The following TTLL6 variants were observed in gnomAD, a reference collection of about 807,000 sequenced individuals.
TTLL6 encodes the protein tubulin polyglutamylase TTLL6.
A neutral mutation model predicts 96.4 loss-of-function variants in TTLL6; 75 were observed. The observed-to-expected ratio is 0.78, with a 90% confidence interval of 0.65 to 0.94. The LOEUF is 0.94. Ranked by LOEUF, TTLL6 falls within the 40% of genes least tolerant of loss-of-function variation. The probability of loss-of-function intolerance (pLI) is 0.00; values close to 1 mark genes in which losing one functional copy is unlikely to be tolerated. For missense variants in TTLL6, 1,030 were observed against 1,093.0 expected (o/e 0.94, Z 0.81); for synonymous variants, 411 against 419.4 (o/e 0.98, Z 0.24).
At chr17:48,811,969 G>A (rs1187742422) in intron 1 of TTLL6, among the ~76,000 whole-genome samples, 5 of 151,928 alleles carry the variant, frequency 3.3e-5, no homozygotes, top group Non-Finnish European at 2.9e-5. Context: ...CCAAAGTGTT[G>A]GGATTACAGG....
chr17:48,804,704 C>A, intron 2 of TTLL6, 68 bp downstream of exon 2: 3 of 1,316,472 alleles, frequency 2.3e-6, no homozygotes, highest in Admixed American at 2.0e-5. Flanking sequence ...CAGCCAAGAC[C>A]CCCTTCCCTC....
chr17:48,765,159 C>T (rs986929967), intron 15 of TTLL6, among the ~76,000 whole-genome samples: 19 of 152,118 alleles, frequency 1.2e-4, no homozygotes, highest in African/African-American at 4.6e-4. Flanking sequence ...CGTCTGTAAT[C>T]CCAGAGCTTT....
At chr17:48,796,939 C>T in intron 7 of TTLL6, 122 bp downstream of exon 7, 1 of 1,158,286 alleles carries the variant, frequency 8.6e-7, no homozygotes, top group Non-Finnish European at 1.2e-6. Flanking sequence ...TGAAACCCGG[C>T]ACATAGCAAG....
At chr17:48,800,001 C>A (rs1045459516) in intron 5 of TTLL6, 1 of 511,644 alleles carries the variant, frequency 2.0e-6, no homozygotes, top group East Asian at 3.3e-5. Context: ...TGGTGCAACC[C>A]TTTGCAAGGA....
intron 5 of TTLL6, among the ~76,000 whole-genome samples, chr17:48,800,962 C>T (rs994658538): frequency 2.2e-4 from 33 of 152,168 alleles, no homozygotes; most frequent in Non-Finnish European, 3.8e-4. Context: ...TGCACAGTTA[C>T]GTGGTTGGAA....
Position 48,796,151 on chromosome 17 carries a change from G to C in TTLL6, c.913-5C>G. The C allele has an allele frequency of 6.4e-7, 1 of 1,550,474 alleles. No individual in the cohort carries two copies. Among genetic ancestry groups the C allele is most frequent in the Non-Finnish European group, 8.7e-7 (1 of 1,146,156 alleles). On this transcript the variant is annotated splice_region_variant and splice_polypyrimidine_tract_variant and intron_variant, in intron 7 of 15. Coordinates refer to ENST00000393382, the MANE Select transcript of TTLL6 (RefSeq NM_001130918.3). ...CAGGTGCATGCAGATATCATCCTGG[G>C]GAAAAAGACACACATCTGTCGGGTC... is the stretch of plus-strand genomic sequence containing the variant.
chr17:48,811,138 G>A (rs549822045), intron 1 of TTLL6, among the ~76,000 whole-genome samples: 2 of 145,404 alleles, frequency 1.4e-5, no homozygotes, highest in South Asian at 2.2e-4. Flanking sequence ...GCATGATTTC[G>A]GCTCACTGCA....
intron 8 of TTLL6, 51 bp downstream of exon 8, chr17:48,796,010 C>A: frequency 7.0e-7 from 1 of 1,429,906 alleles, no homozygotes; most frequent in Admixed American, 2.0e-5. Flanking sequence ...TCCCAGAAAG[C>A]AGTTCTGAGG....
intron 14 of TTLL6, among the ~76,000 whole-genome samples, chr17:48,769,457 C>T (rs1040707076): frequency 6.6e-6 from 1 of 152,224 alleles, no homozygotes; most frequent in Non-Finnish European, 1.5e-5. Context: ...CTGGTGCAGC[C>T]TCAGCTGAAT....
In TTLL6 at chr17:48,789,984, C is replaced by G. The variant is rs1309146107; in HGVS notation, c.1347G>C (p.Glu449Asp). Residue 449 changes from glutamate to aspartate, a missense_variant, in exon 10 of 16, where the codon GAG becomes GAC. Coordinates refer to ENST00000393382, the MANE Select transcript of TTLL6 (RefSeq NM_001130918.3). ...GGAACTGCCCCCGTTGTCTCTCCTC[C>G]TCCAAGACTTTCTTCTTGTCACAGC... Reference protein sequence around the residue: ...LESCDKKKVLEEERQRGQFLQ... With the variant: ...LESCDKKKVLDEERQRGQFLQ... The G allele has an allele frequency of 6.2e-7, 1 of 1,614,118 alleles. No homozygotes were observed. Among genetic ancestry groups the G allele is most frequent in the Non-Finnish European group, 8.5e-7 (1 of 1,180,052 alleles).
rs981228796 is a variant in TTLL6, at chr17:48,801,943, G to A, written c.362-300C>T. On this transcript the variant is annotated intron_variant, in intron 3 of 15. Transcript: ENST00000393382. The stretch of plus-strand genomic sequence containing the variant: ...CGCCTGTAATCCCAGCTACTCAAGA[G>A]GCTGAGGGGGAGAATAACCTGAGCC... Among the ~76,000 whole-genome samples, 6 of 151,896 alleles carry A rather than the reference G, an allele frequency of 4.0e-5. No individual in the cohort carries two copies. The East Asian group carries it at 9.7e-4, about 24-fold the overall frequency.
At chr17:48,804,624 T>C (rs1384581446) in intron 2 of TTLL6, 148 bp downstream of exon 2, 1 of 708,894 alleles carries the variant, frequency 1.4e-6, no homozygotes, top group East Asian at 2.7e-5. Context: ...GTAGATTCTT[T>C]TTATATGAAC....
At chr17:48,797,265 C>G in intron 6 of TTLL6, 61 bp from the exon 7 acceptor site, 2 of 1,490,328 alleles carry the variant, frequency 1.3e-6, no homozygotes, top group South Asian at 2.6e-5. Flanking sequence ...TTGAAAATCA[C>G]TAGCTCCCGC....
rs2039680165 is a variant in TTLL6 at position 48,817,161 on chromosome 17, C to T, written c.-89G>A. 2 of 928,182 alleles carry T rather than the reference C, an allele frequency of 2.2e-6. No individual in the cohort carries two copies. Among genetic ancestry groups the T allele is most frequent in the Non-Finnish European group, 3.1e-6 (2 of 636,686 alleles). 57.5% of individuals were successfully genotyped at this position (928,182 alleles called of 1,614,324 possible). On this transcript the variant is annotated 5_prime_UTR_variant, in exon 1 of 16. Coordinates refer to ENST00000393382, the MANE Select transcript of TTLL6 (RefSeq NM_001130918.3). The stretch of plus-strand genomic sequence containing the variant: ...ATATTTGCATACGGGGCCTTCTAGG[C>T]CTTCGATTGGCCCCTGCAGTAGCTG...
intron 9 of TTLL6, 101 bp from the exon 10 acceptor site, chr17:48,790,207 A>C: frequency 7.8e-7 from 1 of 1,281,904 alleles, no homozygotes; most frequent in Non-Finnish European, 1.1e-6. Flanking sequence ...AGCCCACCTC[A>C]GGGCCCTCAC....
intron 13 of TTLL6, among the ~76,000 whole-genome samples, chr17:48,773,501 C>A (rs1272298643): frequency 6.6e-6 from 1 of 152,144 alleles, no homozygotes; most frequent in Non-Finnish European, 1.5e-5. Flanking sequence ...GCAGGTGGAT[C>A]ACTTGAGGTC....
At chr17:48,797,347 G>C in intron 6 of TTLL6, 143 bp from the exon 7 acceptor site, 2 of 863,904 alleles carry the variant, frequency 2.3e-6, no homozygotes, top group Non-Finnish European at 3.5e-6. Flanking sequence ...GTCAGAGAGA[G>C]GAACAAGGAG....
intron 8 of TTLL6, among the ~76,000 whole-genome samples, chr17:48,795,856 C>T (rs2039307803): frequency 1.3e-5 from 2 of 152,118 alleles, no homozygotes. Flanking sequence ...CCAGGGTTTA[C>T]GATGGGGCCT....
chr17:48,815,197 T>G (rs1365719727), intron 1 of TTLL6: 2 of 152,162 alleles, frequency 1.3e-5, no homozygotes, highest in Non-Finnish European at 2.9e-5. Flanking sequence ...TGTAGCCAAG[T>G]TTTTTCATCT....
Sources: gnomAD v4.1 joint callset for allele counts (sites outside exome capture counted in the v4.1 genomes callset) on GRCh38, gnomAD v4.1.1 for gene constraint, MANE v1.5 for transcripts, NCBI Gene and HGNC (gene_info 2026-07-23, HGNC 2026-07-21) for gene names.